The following PPP1R9A variants were observed in gnomAD, a reference collection of about 807,000 sequenced individuals.
PPP1R9A encodes the protein protein phosphatase 1 regulatory subunit 9A, also known as neurabin-1.
A neutral mutation model predicts 141.9 loss-of-function variants in PPP1R9A; 59 were observed. That is an observed-to-expected ratio of 0.42 (90% confidence interval 0.34 to 0.52). The LOEUF is 0.52. PPP1R9A is among the 20% of genes least tolerant of loss of function. The pLI is 0.10. For synonymous variants in PPP1R9A, 500 were observed against 569.7 expected, an observed-to-expected ratio of 0.88 and a Z score of 1.74; for missense variants, 1,444 against 1,611.9, an observed-to-expected ratio of 0.90 and a Z score of 1.78.
chr7:95,118,674 T>G (rs1821944312), intron 3 of PPP1R9A, among the ~76,000 whole-genome samples: 1 of 151,942 alleles, frequency 6.6e-6, no homozygotes, highest in Non-Finnish European at 1.5e-5. Flanking sequence ...CGAAGAATAC[T>G]AATTACAAGA....
chr7:95,236,813 A>AT (rs1294756513), intron 8 of PPP1R9A, among the ~76,000 whole-genome samples: 3 of 151,084 alleles, frequency 2.0e-5, no homozygotes, highest in Non-Finnish European at 3.0e-5. Context: ...ACCTGTACTG[A>AT]TTTTTTTCTG....
At chr7:95,251,378 T>C (rs1037108540) in intron 10 of PPP1R9A, among the ~76,000 whole-genome samples, 5 of 152,174 alleles carry the variant, frequency 3.3e-5, no homozygotes, top group African/African-American at 1.2e-4. Context: ...CGAACTCTTA[T>C]CTAGTTACAT....
chr7:95,076,542 T>C (rs755416105), intron 2 of PPP1R9A, among the ~76,000 whole-genome samples: 11 of 152,300 alleles, frequency 7.2e-5, no homozygotes, highest in Non-Finnish European at 1.5e-4. Flanking sequence ...AATTATTGTA[T>C]GTTTACAAAA....
At chr7:95,032,397 G>A (rs991919250) in intron 2 of PPP1R9A, among the ~76,000 whole-genome samples, 1 of 151,852 alleles carries the variant, frequency 6.6e-6, no homozygotes, top group Non-Finnish European at 1.5e-5. Context: ...CTGAGATCTA[G>A]AGGAGCAAGC....
rs948816062 is a variant in PPP1R9A, at chr7:95,211,659, C to T, written c.1956+7929C>T. 9.2e-5 allele frequency among the ~76,000 whole-genome samples: 14 copies of T among 152,046 alleles called. 1 individual carries two copies. The highest frequency in any genetic ancestry group is 6.6e-5 in the Admixed American group (1 of 15,248). Reference sequence around the variant, plus strand: ...ATTACGACTGACTTGTTGGGTCTGTCACTCCTAAAATTACAGACTGACATA... The same window carrying T: ...ATTACGACTGACTTGTTGGGTCTGTTACTCCTAAAATTACAGACTGACATA... On this transcript the variant is annotated intron_variant, in intron 7 of 19. Coordinates refer to ENST00000433360, the MANE Select transcript of PPP1R9A (RefSeq NM_001166160.2).
intron 8 of PPP1R9A, among the ~76,000 whole-genome samples, chr7:95,243,579 T>A (rs1358279757): frequency 6.6e-6 from 1 of 152,192 alleles, no homozygotes; most frequent in Non-Finnish European, 1.5e-5. Context: ...ACATATGGCT[T>A]GGGGTTTGGG....
chr7:95,115,790 G>A (rs961891602), intron 3 of PPP1R9A, among the ~76,000 whole-genome samples: 1 of 151,606 alleles, frequency 6.6e-6, no homozygotes, highest in African/African-American at 2.4e-5. Flanking sequence ...GGTGGCACGT[G>A]CCTGTAGTCC....
chr7:95,296,081 A>G lies in PPP1R9A; in HGVS notation c.*5778A>G, dbSNP rs866631153. On this transcript the variant is annotated 3_prime_UTR_variant, in exon 20 of 20. Transcript: ENST00000433360. Reference sequence around the variant, plus strand: ...GAAAATAATTTTAAGTCTGATAAGTATGGATAGCATGTTACCTAAGCTTTT... The same window carrying G: ...GAAAATAATTTTAAGTCTGATAAGTGTGGATAGCATGTTACCTAAGCTTTT... 2 of 152,674 alleles carry G rather than the reference A, an allele frequency of 1.3e-5. No individual in the cohort carries two copies. The highest frequency in any genetic ancestry group is 4.8e-5 in the African/African-American group (2 of 41,470). The allele number at this position is 152,674 out of a possible 1,614,324, so 9.5% of individuals were successfully genotyped here. A position where few individuals can be genotyped will look rare whatever the true frequency, so the allele number is the denominator to read the frequency against.
chr7:95,070,793 C>T (rs1813710598), intron 2 of PPP1R9A, among the ~76,000 whole-genome samples: 1 of 151,402 alleles, frequency 6.6e-6, no homozygotes, highest in African/African-American at 2.4e-5. Flanking sequence ...TCTAATTCTA[C>T]TTTATAGGTA....
At chr7:95,250,827 A>T (rs1321201680) in intron 10 of PPP1R9A, among the ~76,000 whole-genome samples, 1 of 151,658 alleles carries the variant, frequency 6.6e-6, no homozygotes, top group Non-Finnish European at 1.5e-5. Flanking sequence ...TCTGCTTTTG[A>T]TTTTCAACAG....
At chr7:95,083,046 C>T (rs1386445029) in intron 2 of PPP1R9A, among the ~76,000 whole-genome samples, 1 of 151,882 alleles carries the variant, frequency 6.6e-6, no homozygotes, top group African/African-American at 2.4e-5. Flanking sequence ...TGAGCCACTG[C>T]GCCCAGCCGG....
chr7:95,070,159 G>T (rs538668307), intron 2 of PPP1R9A, among the ~76,000 whole-genome samples: 1 of 151,966 alleles, frequency 6.6e-6, no homozygotes, highest in African/African-American at 2.4e-5. Flanking sequence ...GGTTTTCTTT[G>T]TTAACCTTGA....
At position 94,933,042 on chromosome 7, in the gene PPP1R9A, A is replaced by G. The variant is rs566532422; in HGVS notation, c.1395+21534A>G. Among the ~76,000 whole-genome samples the G allele has an allele frequency of 1.3e-3, 197 of 152,070 alleles. 1 individual carries two copies. The highest frequency in any genetic ancestry group is 4.6e-3 in the African/African-American group (189 of 41,506). ...GGCATACACACATCTCTGCATATAT[A>G]TATACACATATTTAGTGTCATATAT... On this transcript the variant is annotated intron_variant, in intron 2 of 19. Coordinates refer to ENST00000433360, the MANE Select transcript of PPP1R9A (RefSeq NM_001166160.2).
intron 2 of PPP1R9A, among the ~76,000 whole-genome samples, chr7:95,097,315 C>T (rs959133917): frequency 1.3e-5 from 2 of 152,152 alleles, no homozygotes; most frequent in Admixed American, 6.5e-5. Flanking sequence ...TGTGAGCCAC[C>T]GTGTCTAGCC....
rs1394746926 is a variant in PPP1R9A, at chr7:95,286,404, T to C, written c.3729+79T>C. On this transcript the variant is annotated intron_variant, in intron 18 of 19. Transcript: ENST00000433360. ...ATGAACCATCACCAGGAAAATGTTT[T>C]TAGGGTAGATATTGCATAGAAATCA... The C allele has an allele frequency of 1.9e-6, 3 of 1,570,944 alleles. No individual in the cohort carries two copies. The African/African-American group carries it at 4.1e-5, about 21-fold the overall frequency.
intron 2 of PPP1R9A, among the ~76,000 whole-genome samples, chr7:95,080,923 A>G (rs969336998): frequency 1.2e-4 from 19 of 152,232 alleles, no homozygotes; most frequent in African/African-American, 4.6e-4. Flanking sequence ...ACATGGAACA[A>G]AACTATTTTT....
At chr7:94,994,358 A>G (rs1801892799) in intron 2 of PPP1R9A, among the ~76,000 whole-genome samples, 2 of 152,102 alleles carry the variant, frequency 1.3e-5, no homozygotes, top group African/African-American at 4.8e-5. Context: ...GGGCGGGAGA[A>G]GATCAGAGTG....
intron 5 of PPP1R9A, among the ~76,000 whole-genome samples, chr7:95,162,276 C>T (rs766295612): frequency 2.0e-5 from 3 of 152,062 alleles, no homozygotes; most frequent in African/African-American, 4.8e-5. Flanking sequence ...TGAATTAGGT[C>T]CCAAATCTTT....
rs187848119 is a variant in PPP1R9A, at chr7:95,149,178, G to A, written c.1650-12689G>A. On this transcript the variant is annotated intron_variant, in intron 4 of 19. Transcript: ENST00000433360. Reference sequence around the variant, plus strand: ...ATTATATCAGTAGATGCAGAAAAAAGCATTTGACAAAAATCATCCATTTAT... The same window carrying A: ...ATTATATCAGTAGATGCAGAAAAAAACATTTGACAAAAATCATCCATTTAT... 1.6e-4 allele frequency among the ~76,000 whole-genome samples: 25 copies of A among 151,764 alleles called. No homozygotes were observed. The East Asian group carries it at 4.7e-3, about 28-fold the overall frequency.
Sources: allele counts gnomAD v4.1 joint callset (sites outside exome capture counted in the v4.1 genomes callset), GRCh38; gene constraint gnomAD v4.1.1; transcripts MANE v1.5; gene names NCBI Gene and HGNC (gene_info 2026-07-23, HGNC 2026-07-21).